The following ZFPM2 variants were observed in gnomAD, a reference collection of about 807,000 sequenced individuals.
The protein encoded by ZFPM2 is zinc finger protein, FOG family member 2, also known as zinc finger protein ZFPM2.
ZFPM2 carries 20 observed loss-of-function variants against 98.6 expected under a neutral mutation model. The ratio of observed to expected loss-of-function variants is 0.20; its 90% CI spans 0.14 to 0.29. ZFPM2 has a LOEUF of 0.29. Among genes scored for constraint, ZFPM2 ranks in the 10% least tolerant of loss-of-function variants. The pLI is 1.00. For missense variants in ZFPM2, 1,310 were observed against 1,388.6 expected (o/e 0.94, Z 0.90); for synonymous variants, 518 against 502.7 (o/e 1.03, Z -0.41).
chr8:105,453,896 A>G (rs113642937), intron 3 of ZFPM2, among the ~76,000 whole-genome samples: 1 of 152,142 alleles, frequency 6.6e-6, no homozygotes. Context: ...AAGTGTCTAG[A>G]GTATTTTAAA....
rs34248551 is a variant in ZFPM2, at chr8:105,801,953, C to G, written c.1871C>G (p.Ser624Cys). The stretch of plus-strand genomic sequence containing the variant: ...CCTGAGAATCCACTTCTTCAAACAT[C>G]TTGCATCAATTCTTCCACTGTCTTA... ...ADPENPLLQT[S>C]CINSSTVLDL... Residue 624 changes from serine (S) to cysteine (C), a missense_variant, in exon 8 of 8, where the codon TCT (serine) becomes TGT (cysteine). Coordinates refer to ENST00000407775, the MANE Select transcript of ZFPM2 (RefSeq NM_012082.4). 6.8e-5 allele frequency: 110 copies of G among 1,613,896 alleles called. 1 individual carries two copies. The African/African-American group carries it at 1.0e-3, about 15-fold the overall frequency.
At chr8:105,546,440 A>G (rs1284185113) in intron 3 of ZFPM2, among the ~76,000 whole-genome samples, 2 of 151,730 alleles carry the variant, frequency 1.3e-5, no homozygotes, top group Non-Finnish European at 2.9e-5. Context: ...GTGGTGGTGC[A>G]TGCCTGTAAT....
At chr8:105,643,885 G>A (rs1816992116) in intron 5 of ZFPM2, among the ~76,000 whole-genome samples, 1 of 152,178 alleles carries the variant, frequency 6.6e-6, no homozygotes. Flanking sequence ...GATAAATAAT[G>A]CAGAGCCAAA....
At chr8:105,787,991 C>T (rs1813472265) in intron 5 of ZFPM2, among the ~76,000 whole-genome samples, 1 of 152,144 alleles carries the variant, frequency 6.6e-6, no homozygotes, top group African/African-American at 2.4e-5. Flanking sequence ...TTTGAAGAGA[C>T]ATTTCTTTTC....
intron 5 of ZFPM2, among the ~76,000 whole-genome samples, chr8:105,701,494 G>C (rs532500565): frequency 6.6e-6 from 1 of 152,248 alleles, no homozygotes; most frequent in South Asian, 2.1e-4. Flanking sequence ...AAGCAATCTT[G>C]TATAATCAAG....
At chr8:105,388,689 G>A (rs1263452140) in intron 1 of ZFPM2, among the ~76,000 whole-genome samples, 1 of 152,176 alleles carries the variant, frequency 6.6e-6, no homozygotes, top group East Asian at 1.9e-4. Flanking sequence ...GAGTGAGGAT[G>A]GAGGAAGAAC....
At chr8:105,446,340 TTA>T (rs1812369720) in intron 3 of ZFPM2, among the ~76,000 whole-genome samples, 4 of 152,184 alleles carry the variant, frequency 2.6e-5, no homozygotes, top group Non-Finnish European at 4.4e-5. Flanking sequence ...TGGCTTACTC[TTA>T]TGATGGGGAA....
chr8:105,716,047 T>A (rs1233270920), intron 5 of ZFPM2, among the ~76,000 whole-genome samples: 1 of 151,884 alleles, frequency 6.6e-6, no homozygotes, highest in East Asian at 1.9e-4. Flanking sequence ...AGAAAAGAGA[T>A]GCTGGCAGGA....
chr8:105,574,467 A>G (rs899520118), intron 4 of ZFPM2, among the ~76,000 whole-genome samples: 3 of 152,198 alleles, frequency 2.0e-5, no homozygotes, highest in Admixed American at 6.5e-5. Flanking sequence ...TTGGAAAAGT[A>G]ATTTACCCTG....
chr8:105,751,192 A>T (rs1037742195), intron 5 of ZFPM2, among the ~76,000 whole-genome samples: 3 of 152,096 alleles, frequency 2.0e-5, no homozygotes, highest in African/African-American at 4.8e-5. Context: ...ATTTATTTCT[A>T]CCTTTACAAA....
At chr8:105,423,546 A>G (rs1811845429) in intron 2 of ZFPM2, among the ~76,000 whole-genome samples, 3 of 152,156 alleles carry the variant, frequency 2.0e-5, no homozygotes, top group African/African-American at 7.2e-5. Flanking sequence ...AAACAAGCAA[A>G]ATTATTTCCT....
intron 4 of ZFPM2, among the ~76,000 whole-genome samples, chr8:105,617,418 A>G (rs1051999756): frequency 6.6e-6 from 1 of 152,152 alleles, no homozygotes; most frequent in Non-Finnish European, 1.5e-5. Flanking sequence ...TGAGGAACAT[A>G]CTAATTAAAC....
chr8:105,802,181 A>G lies in ZFPM2; in HGVS notation c.2099A>G (p.Glu700Gly). 4 of 1,613,962 alleles carry G rather than the reference A, an allele frequency of 2.5e-6. No individual in the cohort carries two copies. The highest frequency in any genetic ancestry group is 3.4e-6 in the Non-Finnish European group (4 of 1,179,874). Residue 700 changes from glutamate to glycine, a missense_variant, in exon 8 of 8, where the codon GAA becomes GGA. Physicochemically the swap from Glu to Gly is moderately conservative, Grantham distance 98 (BLOSUM62 -2). Transcript: ENST00000407775. ...EACNITFSRH[E>G]TYMVHKQYYC... Reference sequence around the variant, plus strand: ...TGCAACATTACCTTCAGCCGGCACGAAACATACATGGTCCACAAACAGTAT... The same window carrying G: ...TGCAACATTACCTTCAGCCGGCACGGAACATACATGGTCCACAAACAGTAT...
Position 105,393,333 on chromosome 8 carries a change from T to TCTC in ZFPM2, c.41-25811_41-25810insCTC, listed in dbSNP as rs370622164. Among the ~76,000 whole-genome samples, 585 of 92,976 alleles carry TCTC rather than the reference T, an allele frequency of 6.3e-3. 12 individuals carry two copies. Among genetic ancestry groups the TCTC allele is most frequent in the African/African-American group, 0.023 (558 of 23,928 alleles). The allele number at this position is 92,976 out of a possible 152,430, so 61.0% of individuals were successfully genotyped here. On this transcript the variant is annotated intron_variant, in intron 1 of 7. Coordinates refer to ENST00000407775, the MANE Select transcript of ZFPM2 (RefSeq NM_012082.4). ...CCTTTCTTCCTTCCCTCTCTCTCTC[T>TCTC]TTGCCTTTCTTTCTTTCTTTCTTTC...
At position 105,675,853 on chromosome 8, in the gene ZFPM2, A is replaced by G. The variant is rs376690425; in HGVS notation, c.532+41496A>G. The G allele has an allele frequency of 5.3e-5, 8 of 152,252 alleles. 1 individual carries two copies. Among genetic ancestry groups the G allele is most frequent in the African/African-American group, 1.9e-4 (8 of 41,570 alleles). 9.4% of individuals were successfully genotyped at this position (152,252 alleles called of 1,614,324 possible). On this transcript the variant is annotated intron_variant, in intron 5 of 7. Coordinates refer to ENST00000407775, the MANE Select transcript of ZFPM2 (RefSeq NM_012082.4). ...TCTGTACTTTATAATCTTTCTTTTT[A>G]TTCATAGCAATCTTTGACGAACTGC...
At chr8:105,783,031 A>C (rs1173900809) in intron 5 of ZFPM2, among the ~76,000 whole-genome samples, 2 of 149,966 alleles carry the variant, frequency 1.3e-5, no homozygotes, top group African/African-American at 4.9e-5. Context: ...AAAAATGTTC[A>C]GATCTACACA....
intron 1 of ZFPM2, among the ~76,000 whole-genome samples, chr8:105,342,805 A>ATTTGTT (rs1192796971): frequency 6.6e-6 from 1 of 152,064 alleles, no homozygotes; most frequent in Non-Finnish European, 1.5e-5. Flanking sequence ...ACAAACTATT[A>ATTTGTT]TTTGTTTTTC....
chr8:105,699,931 C>A (rs1811104322), intron 5 of ZFPM2, among the ~76,000 whole-genome samples: 1 of 152,068 alleles, frequency 6.6e-6, no homozygotes, highest in Non-Finnish European at 1.5e-5. Context: ...GAAAGGTCTA[C>A]TAAACTCAGA....
intron 4 of ZFPM2, among the ~76,000 whole-genome samples, chr8:105,631,557 A>G (rs558716172): frequency 1.1e-4 from 17 of 152,236 alleles, no homozygotes; most frequent in Non-Finnish European, 1.5e-4. Context: ...TGCCTCTTCT[A>G]TGATGTGTCC....
Sources: allele counts gnomAD v4.1 joint callset (sites outside exome capture counted in the v4.1 genomes callset), GRCh38; gene constraint gnomAD v4.1.1; transcripts MANE v1.5; gene names NCBI Gene and HGNC (gene_info 2026-07-23, HGNC 2026-07-21).